EIF4B: variants seen among roughly 807,000 people sequenced by gnomAD.
EIF4B encodes eukaryotic translation initiation factor 4B.
In EIF4B, 8 loss-of-function variants were observed where a neutral mutation model predicts 79.3. The ratio of observed to expected loss-of-function variants is 0.10; its 90% CI spans 0.06 to 0.18. The LOEUF (loss-of-function observed/expected upper bound fraction) is 0.18, where lower values mean the gene tolerates loss of function less well. EIF4B is among the 10% of genes least tolerant of loss of function. The pLI is 1.00. For synonymous variants in EIF4B, 238 were observed against 274.7 expected (o/e 0.87, Z 1.32); for missense variants, 515 against 792.4 (o/e 0.65, Z 4.20).
intron 4 of EIF4B, among the ~76,000 whole-genome samples, chr12:53,021,321 C>T (rs564137045): frequency 2.6e-4 from 39 of 152,288 alleles, no homozygotes; most frequent in African/African-American, 6.3e-4. Context: ...TTTTAAGAGA[C>T]AGTGTCTCGC....
At chr12:53,032,480 A>C (rs1424132283) in intron 8 of EIF4B, among the ~76,000 whole-genome samples, 2 of 152,202 alleles carry the variant, frequency 1.3e-5, no homozygotes, top group African/African-American at 2.4e-5. Flanking sequence ...ATTAGTTCTT[A>C]ACATGCAGAT....
intron 6 of EIF4B, among the ~76,000 whole-genome samples, chr12:53,027,434 T>TA (rs888324445): frequency 6.6e-6 from 1 of 151,902 alleles, no homozygotes; most frequent in Non-Finnish European, 1.5e-5. Context: ...CGTGACCAGC[T>TA]AAAAAAATTT....
intron 6 of EIF4B, among the ~76,000 whole-genome samples, chr12:53,026,851 C>T (rs992614609): frequency 2.6e-5 from 4 of 152,122 alleles, no homozygotes; most frequent in African/African-American, 9.7e-5. Context: ...AATCCACCAA[C>T]CTCAACCTCC....
chr12:53,018,644 C>T (rs1217504697), intron 2 of EIF4B, 154 bp from the exon 3 acceptor site: 3 of 655,222 alleles, frequency 4.6e-6, no homozygotes, highest in Non-Finnish European at 5.3e-6. Flanking sequence ...AGCTTCTCTT[C>T]GTAAAGTGCC....
At chr12:53,018,351 G>A (rs1943181510) in intron 2 of EIF4B, among the ~76,000 whole-genome samples, 1 of 152,070 alleles carries the variant, frequency 6.6e-6, no homozygotes, top group Non-Finnish European at 1.5e-5. Context: ...CTCACCACTA[G>A]GAATACAAGA....
chr12:53,009,586 A>C (rs566503572), intron 1 of EIF4B, among the ~76,000 whole-genome samples: 52 of 152,354 alleles, frequency 3.4e-4, no homozygotes, highest in African/African-American at 1.2e-3. Context: ...TTCAAAATGC[A>C]GTCCTGTGTG....
chr12:53,032,626 C>T (rs2120966696), intron 8 of EIF4B, among the ~76,000 whole-genome samples: 1 of 151,050 alleles, frequency 6.6e-6, no homozygotes, highest in East Asian at 1.9e-4. Flanking sequence ...TCTTGTACTA[C>T]ATCATGGATG....
intron 6 of EIF4B, among the ~76,000 whole-genome samples, chr12:53,025,830 G>A (rs1204241937): frequency 7.2e-5 from 11 of 152,148 alleles, no homozygotes; most frequent in Admixed American, 2.6e-4. Context: ...ATCCCTGGCC[G>A]GGCATGGTGG....
Position 53,037,504 on chromosome 12 carries a change from G to C in EIF4B, c.1402G>C (p.Asp468His). Residue 468 changes from aspartate (D) to histidine (H), a missense_variant, in exon 11 of 15, where the codon GAT becomes CAT. Physicochemically the swap from Asp to His is moderately conservative, Grantham distance 81. Transcript: ENST00000262056. Reference protein sequence around the residue: ...HSPTSKPPKPDQPLKVMPAPP... With the variant: ...HSPTSKPPKPHQPLKVMPAPP... ...TCCAACTTCTAAACCTCCCAAACCTGATCAGCCCCTAAAGGTAATGCCAGC... is the reference window on the plus strand; with the variant it reads ...TCCAACTTCTAAACCTCCCAAACCTCATCAGCCCCTAAAGGTAATGCCAGC... 6.2e-7 allele frequency: 1 copy of C among 1,613,840 alleles called. No homozygotes were observed. Among genetic ancestry groups the C allele is most frequent in the Non-Finnish European group, 8.5e-7 (1 of 1,179,800 alleles).
At chr12:53,039,836 A>T (rs1377910244) in intron 14 of EIF4B, 134 bp downstream of exon 14, 1 of 1,016,640 alleles carries the variant, frequency 9.8e-7, no homozygotes, top group African/African-American at 1.7e-5. Flanking sequence ...TTGGAATACA[A>T]AGTGTTTGGA....
At chr12:53,022,726 A>G (rs1943266896) in intron 6 of EIF4B, 99 bp downstream of exon 6, 2 of 1,391,400 alleles carry the variant, frequency 1.4e-6, no homozygotes, top group South Asian at 1.8e-5. Flanking sequence ...ATTAACAGAT[A>G]GAAGGAGGAA....
chr12:53,019,099 A>G, intron 3 of EIF4B, 93 bp downstream of exon 3: 1 of 1,419,322 alleles, frequency 7.0e-7, no homozygotes, highest in Non-Finnish European at 9.7e-7. Context: ...TGAAAAAACA[A>G]CTAGAAATAT....
At chr12:53,030,661 C>T (rs1432754539) in intron 8 of EIF4B, among the ~76,000 whole-genome samples, 3 of 151,690 alleles carry the variant, frequency 2.0e-5, no homozygotes, top group African/African-American at 2.4e-5. Flanking sequence ...TCGCCCGCCT[C>T]GGCCTCCCAA....
intron 1 of EIF4B, among the ~76,000 whole-genome samples, chr12:53,009,410 C>G (rs1943024410): frequency 2.0e-5 from 3 of 152,096 alleles, no homozygotes; most frequent in African/African-American, 7.2e-5. Flanking sequence ...GTGGCTCACG[C>G]CTGTAATCCA....
chr12:53,010,412 G>C (rs1469744082), intron 1 of EIF4B, among the ~76,000 whole-genome samples: 1 of 152,134 alleles, frequency 6.6e-6, no homozygotes, highest in Non-Finnish European at 1.5e-5. Context: ...TTTTTTACTT[G>C]AGAAGGGTTT....
chr12:53,040,319 C>G lies in EIF4B; in HGVS notation c.*96C>G. ...TATCCAGACAAGACAAAATAAAACT[C>G]ACCATCTCCTGAAGACCTTTCTTAC... On this transcript the variant is annotated 3_prime_UTR_variant, in exon 15 of 15. Coordinates refer to ENST00000262056, the MANE Select transcript of EIF4B (RefSeq NM_001417.7). The G allele has an allele frequency of 7.7e-7, 1 of 1,305,068 alleles. No homozygotes were observed. Among genetic ancestry groups the G allele is most frequent in the African/African-American group, 1.5e-5 (1 of 66,690 alleles). 80.8% of individuals were successfully genotyped at this position (1,305,068 alleles called of 1,614,324 possible). A position where few individuals can be genotyped will look rare whatever the true frequency, so the allele number is the denominator to read the frequency against.
intron 4 of EIF4B, 152 bp from the exon 5 acceptor site, chr12:53,021,654 T>C: frequency 1.1e-6 from 1 of 877,934 alleles, no homozygotes; most frequent in South Asian, 1.4e-5. Flanking sequence ...AAAGGACTCT[T>C]TAGCCCACAA....
chr12:53,041,416 A>AT lies in EIF4B; in HGVS notation c.*1198dup. On this transcript the variant is annotated 3_prime_UTR_variant, in exon 15 of 15. Transcript: ENST00000262056. ...GAGCCTTTCTTACAACCTTGATGGG[A>AT]TTTTTCCCCCCAAGTTTCCTTCTCC... The AT allele has an allele frequency of 6.6e-6, 1 of 151,986 alleles. No homozygotes were observed. Among genetic ancestry groups the AT allele is most frequent in the Non-Finnish European group, 1.5e-5 (1 of 68,006 alleles). 9.4% of individuals were successfully genotyped at this position (151,986 alleles called of 1,614,324 possible). A position where few individuals can be genotyped will look rare whatever the true frequency, so the allele number is the denominator to read the frequency against.
chr12:53,033,329 ATTTTCTTTTTTTT>A (rs1189593437), intron 8 of EIF4B, among the ~76,000 whole-genome samples: 3 of 71,394 alleles, frequency 4.2e-5, no homozygotes, highest in Non-Finnish European at 6.2e-5. Flanking sequence ...TGAGCTACCT[ATTTTCTTTTTTTT>A]TTTTCTTTTT....
Sources: gnomAD v4.1 joint callset for allele counts (sites outside exome capture counted in the v4.1 genomes callset) on GRCh38, gnomAD v4.1.1 for gene constraint, MANE v1.5 for transcripts, NCBI Gene and HGNC (gene_info 2026-07-23, HGNC 2026-07-21) for gene names.